The following PKHD1 variants were observed in gnomAD, a reference collection of about 807,000 sequenced individuals.
PKHD1 encodes the protein fibrocystin.
In PKHD1, 291 loss-of-function variants were observed where a neutral mutation model predicts 412.0. The observed-to-expected ratio is 0.71, with a 90% confidence interval of 0.64 to 0.78. The LOEUF is 0.78. Among genes scored for constraint, PKHD1 ranks in the 30% least tolerant of loss-of-function variants. The probability of loss-of-function intolerance (pLI) is 0.00; values close to 1 mark genes in which losing one functional copy is unlikely to be tolerated. For synonymous variants in PKHD1, 1,777 were observed against 1,821.5 expected (o/e 0.98, Z 0.62); for missense variants, 4,825 against 4,950.7 (o/e 0.97, Z 0.76).
At chr6:51,851,554 A>G (rs1236708016) in intron 49 of PKHD1, among the ~76,000 whole-genome samples, 2 of 151,784 alleles carry the variant, frequency 1.3e-5, no homozygotes, top group African/African-American at 2.4e-5. Flanking sequence ...TAGGCTATTA[A>G]TTAGGCTATT....
At chr6:51,870,388 T>C in intron 47 of PKHD1, 116 bp downstream of exon 47, 1 of 923,274 alleles carries the variant, frequency 1.1e-6, no homozygotes. Flanking sequence ...CAGTTTCTAC[T>C]GATGCAATCT....
intron 63 of PKHD1, among the ~76,000 whole-genome samples, chr6:51,646,012 A>T (rs1770038541): frequency 6.6e-6 from 1 of 152,194 alleles, no homozygotes; most frequent in Non-Finnish European, 1.5e-5. Context: ...ACACTTTTTA[A>T]ATTTTCTCAT....
At chr6:52,029,317 A>G (rs1171770619) in intron 29 of PKHD1, among the ~76,000 whole-genome samples, 4 of 152,218 alleles carry the variant, frequency 2.6e-5, no homozygotes, top group Non-Finnish European at 5.9e-5. Context: ...TAAAATGTGT[A>G]CACTATGAAC....
intron 60 of PKHD1, chr6:51,741,282 C>T (rs1784517919): frequency 2.0e-6 from 1 of 495,400 alleles, no homozygotes; most frequent in East Asian, 5.7e-5. Flanking sequence ...GATGCCACAC[C>T]CATGTATTTT....
chr6:51,858,208 C>T (rs865891578), intron 48 of PKHD1, among the ~76,000 whole-genome samples: 5 of 152,112 alleles, frequency 3.3e-5, no homozygotes, highest in Middle Eastern at 3.2e-3. Context: ...GAAAACATTC[C>T]ATATATGGGA....
intron 35 of PKHD1, among the ~76,000 whole-genome samples, chr6:51,966,266 C>T (rs1792792077): frequency 1.3e-5 from 2 of 152,036 alleles, no homozygotes; most frequent in Non-Finnish European, 2.9e-5. Flanking sequence ...GTAAGATGTA[C>T]CTTGGTTCCA....
chr6:51,829,661 T>C (rs2151503318), intron 52 of PKHD1, among the ~76,000 whole-genome samples: 1 of 152,292 alleles, frequency 6.6e-6, no homozygotes, highest in African/African-American at 2.4e-5. Context: ...CTCACACCTG[T>C]CCCTCGTGTC....
chr6:51,686,892 A>T (rs1388513210), intron 60 of PKHD1, among the ~76,000 whole-genome samples: 1 of 151,456 alleles, frequency 6.6e-6, no homozygotes, highest in Non-Finnish European at 1.5e-5. Flanking sequence ...GAAATCTACA[A>T]GGACAACTTT....
chr6:51,689,255 A>G (rs1197111920), intron 60 of PKHD1, among the ~76,000 whole-genome samples: 1 of 152,228 alleles, frequency 6.6e-6, no homozygotes, highest in Non-Finnish European at 1.5e-5. Flanking sequence ...CCACATGATT[A>G]TCTCAATCAA....
intron 37 of PKHD1, among the ~76,000 whole-genome samples, chr6:51,929,887 G>A (rs1786304723): frequency 1.3e-5 from 2 of 152,196 alleles, no homozygotes; most frequent in Admixed American, 1.3e-4. Context: ...GACAAAGACA[G>A]AAGTCCAGCC....
intron 60 of PKHD1, among the ~76,000 whole-genome samples, chr6:51,733,239 A>G (rs114557378): frequency 0.046 from 6,934 of 152,218 alleles, 213 homozygotes; most frequent in Middle Eastern, 0.11. Flanking sequence ...TGAACTGTAC[A>G]CTTAAAAATG....
chr6:51,771,636 TG>T (rs1253988722), intron 55 of PKHD1, among the ~76,000 whole-genome samples: 1 of 152,048 alleles, frequency 6.6e-6, no homozygotes, highest in African/African-American at 2.4e-5. Context: ...AAAAGGAATT[TG>T]TTTTGTTTTA....
intron 43 of PKHD1, among the ~76,000 whole-genome samples, chr6:51,891,336 A>T (rs1265741856): frequency 6.6e-6 from 1 of 151,888 alleles, no homozygotes; most frequent in Admixed American, 6.6e-5. Context: ...CTGGAGTGCA[A>T]TGGCACGATC....
Position 51,788,595 on chromosome 6 carries a change from G to A in PKHD1, c.8440+2641C>T, listed in dbSNP as rs569058954. ...CATACAAAGGCCATGCCTCTGGGAT[G>A]GTCTGACAACCATCTCTAAACCTCC... On this transcript the variant is annotated intron_variant, in intron 53 of 66. Coordinates refer to ENST00000371117, the MANE Select transcript of PKHD1 (RefSeq NM_138694.4). 2.6e-5 allele frequency among the ~76,000 whole-genome samples: 4 copies of A among 152,038 alleles called. No individual in the cohort carries two copies. In the South Asian group the frequency reaches 6.3e-4, roughly 24 times the overall value.
intron 60 of PKHD1, chr6:51,720,787 A>ATG (rs1562164572): frequency 1.2e-5 from 1 of 83,100 alleles, no homozygotes; most frequent in Non-Finnish European, 3.0e-5. Flanking sequence ...GTGTGTGTGT[A>ATG]TATATATACA....
chr6:51,976,286 T>C (rs1292002383), intron 35 of PKHD1, among the ~76,000 whole-genome samples: 5 of 152,218 alleles, frequency 3.3e-5, no homozygotes, highest in Non-Finnish European at 7.3e-5. Context: ...GATATATACA[T>C]TCAATGAAAT....
Position 51,618,777 on chromosome 6 carries a change from G to T in PKHD1, c.*304C>A. Reference sequence around the variant, plus strand: ...TAATAACCCCTGCTGGTATAAGTCAGTATTACACCATTATCAAGTTGTTAA... The same window carrying T: ...TAATAACCCCTGCTGGTATAAGTCATTATTACACCATTATCAAGTTGTTAA... On this transcript the variant is annotated 3_prime_UTR_variant, in exon 67 of 67. Transcript: ENST00000371117. The T allele has an allele frequency of 2.4e-6, 1 of 420,884 alleles. No individual in the cohort carries two copies. The allele number at this position is 420,884 out of a possible 1,614,324, so 26.1% of individuals were successfully genotyped here.
chr6:51,721,138 G>A (rs753805402), intron 60 of PKHD1: 1 of 965,128 alleles, frequency 1.0e-6, no homozygotes, highest in Non-Finnish European at 1.2e-6. Context: ...TTCCAATAAT[G>A]GAACACTGGG....
At chr6:51,759,102 A>T (rs1244180775) in intron 55 of PKHD1, among the ~76,000 whole-genome samples, 1 of 152,118 alleles carries the variant, frequency 6.6e-6, no homozygotes, top group Non-Finnish European at 1.5e-5. Flanking sequence ...TCAGTTTAAA[A>T]TTTTTCTATC....
Sources: gnomAD v4.1 joint callset for allele counts (sites outside exome capture counted in the v4.1 genomes callset) on GRCh38, gnomAD v4.1.1 for gene constraint, MANE v1.5 for transcripts, NCBI Gene and HGNC (gene_info 2026-07-23, HGNC 2026-07-21) for gene names.